Variants in SLC30A4 observed in about 807,000 individuals in gnomAD.
SLC30A4 encodes the protein probable proton-coupled zinc antiporter SLC30A4.
A neutral mutation model predicts 41.7 loss-of-function variants in SLC30A4; 20 were observed. The ratio of observed to expected loss-of-function variants is 0.48; its 90% CI spans 0.34 to 0.70. The LOEUF is 0.70. Among genes scored for constraint, SLC30A4 ranks in the 30% least tolerant of loss-of-function variants. The pLI, the probability that SLC30A4 is intolerant of heterozygous loss-of-function variation, is 0.01. For synonymous variants in SLC30A4, 181 were observed against 195.9 expected (o/e 0.92, Z 0.64); for missense variants, 441 against 529.3 (o/e 0.83, Z 1.64).
chr15:45,503,425 T>A (rs1055212312), intron 3 of SLC30A4, among the ~76,000 whole-genome samples: 1 of 151,708 alleles, frequency 6.6e-6, no homozygotes, highest in African/African-American at 2.4e-5. Context: ...GAGACCAGCA[T>A]GGCCAATATG....
At chr15:45,513,709 C>T (rs947550552) in intron 2 of SLC30A4, 1 of 152,134 alleles carries the variant, frequency 6.6e-6, no homozygotes, top group South Asian at 2.1e-4. Context: ...TGTATGGTAG[C>T]CTTGAAAACC....
At chr15:45,514,949 G>C (rs1420873144) in intron 2 of SLC30A4, among the ~76,000 whole-genome samples, 1 of 151,612 alleles carries the variant, frequency 6.6e-6, no homozygotes, top group Non-Finnish European at 1.5e-5. Context: ...GCACAACTGT[G>C]GCTCACTGTG....
intron 2 of SLC30A4, chr15:45,521,156 G>T (rs993786445): frequency 1.9e-5 from 7 of 363,280 alleles, no homozygotes; most frequent in African/African-American, 1.5e-4. Context: ...CTGCTTTTAT[G>T]TCACTTTGTA....
chr15:45,510,293 A>G (rs932945842), intron 3 of SLC30A4, among the ~76,000 whole-genome samples: 4 of 152,228 alleles, frequency 2.6e-5, no homozygotes, highest in African/African-American at 9.6e-5. Context: ...AATATAGGTA[A>G]AGAAACAAAC....
chr15:45,495,216 CAT>C (rs1891888066), intron 3 of SLC30A4, among the ~76,000 whole-genome samples: 1 of 151,920 alleles, frequency 6.6e-6, no homozygotes, highest in Non-Finnish European at 1.5e-5. Flanking sequence ...AAGTTAATGA[CAT>C]AGAGATGTGC....
At chr15:45,511,343 T>C in intron 2 of SLC30A4, 59 bp from the exon 3 acceptor site, 1 of 1,283,030 alleles carries the variant, frequency 7.8e-7, no homozygotes, top group Non-Finnish European at 1.1e-6. Flanking sequence ...AAGCAAGCAA[T>C]CAAACTAGAA....
intron 4 of SLC30A4, 138 bp downstream of exon 4, chr15:45,490,590 G>A: frequency 1.8e-6 from 1 of 545,244 alleles, no homozygotes; most frequent in East Asian, 3.0e-5. Context: ...CGTCCATAGT[G>A]TTTCATTTAT....
rs1891755402 is a variant in SLC30A4, at chr15:45,488,859, T to C, written c.876A>G (p.Ala292=). The part of the protein sequence containing the change: ...LVQSVGVLIA[A]YIIRFKPEYK... ...ATATTACCTTGAATCGTATGATGTA[T>C]GCAGCTATTAGCACACCAACACTCT... Residue 292 remains alanine (A), a synonymous_variant, in exon 5 of 8, where the codon GCA becomes GCG. Transcript: ENST00000261867. 6.2e-6 allele frequency: 10 copies of C among 1,613,590 alleles called. No homozygotes were observed. Among genetic ancestry groups the C allele is most frequent in the African/African-American group, 1.3e-5 (1 of 75,020 alleles).
At position 45,480,777 on chromosome 15, in the gene SLC30A4, A is replaced by T. The variant is rs1187853801; in HGVS notation, c.*4386T>A. On this transcript the variant is annotated 3_prime_UTR_variant, in exon 8 of 8. Transcript: ENST00000261867. Reference sequence around the variant, plus strand: ...GATTTAGCTAACTGCTTGTTTCAAAATCAAATAAGTCTACAAAAGCTGTGA... The same window carrying T: ...GATTTAGCTAACTGCTTGTTTCAAATTCAAATAAGTCTACAAAAGCTGTGA... The T allele has an allele frequency of 7.0e-6, 1 of 141,974 alleles. No individual in the cohort carries two copies. Among genetic ancestry groups the T allele is most frequent in the South Asian group, 2.1e-4 (1 of 4,682 alleles). The allele number at this position is 141,974 out of a possible 1,614,324, so 8.8% of individuals were successfully genotyped here. A position where few individuals can be genotyped will look rare whatever the true frequency, so the allele number is the denominator to read the frequency against.
rs1227367885 is a variant in SLC30A4 at position 45,522,360 on chromosome 15, A to G, written c.-6T>C. 3 of 1,594,674 alleles carry G rather than the reference A, an allele frequency of 1.9e-6. No individual in the cohort carries two copies. The highest frequency in any genetic ancestry group is 1.7e-6 in the Non-Finnish European group (2 of 1,171,874). ...CACGCGCCAGAGCCGGCCATGGCAG[A>G]GGCTGAGCGGCCGCGGTGCGGAACG... On this transcript the variant is annotated 5_prime_UTR_variant, in exon 2 of 8. Transcript: ENST00000261867.
chr15:45,506,903 A>G (rs1421928664), intron 3 of SLC30A4, among the ~76,000 whole-genome samples: 2 of 152,224 alleles, frequency 1.3e-5, no homozygotes, highest in Non-Finnish European at 2.9e-5. Context: ...CAGTACATGT[A>G]CAAGGTTGTG....
At chr15:45,513,220 TAG>T (rs1221556095) in intron 2 of SLC30A4, among the ~76,000 whole-genome samples, 2 of 149,684 alleles carry the variant, frequency 1.3e-5, no homozygotes, top group Non-Finnish European at 3.0e-5. Context: ...TTTTTTTTTT[TAG>T]AGAGTCAGGG....
Position 45,486,681 on chromosome 15 carries a change from A to C in SLC30A4, c.1065T>G (p.Tyr355Ter), listed in dbSNP as rs986762049. ...KEALMKIEDV[Y>*]SVEDLNIWSL... ...ACCAGATATTTAAATCTTCGACTGA[A>C]TATACATCTTCTATTTTCATCAAGG... The change falls in exon 7 of 8, where the codon TAT (tyrosine) becomes TAG (stop). Residue 355 changes from tyrosine (Y) to a stop codon, truncating the protein, a stop_gained. Coordinates refer to ENST00000261867, the MANE Select transcript of SLC30A4 (RefSeq NM_013309.6). LOFTEE classifies it high-confidence loss of function. 1.9e-6 allele frequency: 3 copies of C among 1,601,016 alleles called. No homozygotes were observed. The highest frequency in any genetic ancestry group is 3.4e-5 in the Admixed American group (2 of 58,290).
rs1892493269 is a variant in SLC30A4 at position 45,516,792 on chromosome 15, T to TC, written c.391+5171dup. 3.3e-5 allele frequency among the ~76,000 whole-genome samples: 5 copies of TC among 151,644 alleles called. No individual in the cohort carries two copies. The South Asian group carries it at 1.0e-3, about 32-fold the overall frequency. The stretch of plus-strand genomic sequence containing the variant: ...GGCTGAGGCAGGAGAATCACTTGAA[T>TC]CCGGGAGGTGGAGGCTGCTACTCAG... On this transcript the variant is annotated intron_variant, in intron 2 of 7. Transcript: ENST00000261867.
Position 45,489,016 on chromosome 15 carries a change from C to A in SLC30A4, c.719G>T (p.Gly240Val), listed in dbSNP as rs747036858. 1.9e-6 allele frequency: 3 copies of A among 1,613,334 alleles called. No homozygotes were observed. The highest frequency in any genetic ancestry group is 1.7e-6 in the Non-Finnish European group (2 of 1,179,522). ...GGAGTGGGAATGGGAGTGACGGTGACCAGACTGGTTCAACAGAAACCCCAT... is the reference window on the plus strand; with the variant it reads ...GGAGTGGGAATGGGAGTGACGGTGAACAGACTGGTTCAACAGAAACCCCAT... ...VIMGFLLNQS[G>V]HRHSHSHSLP... Residue 240 changes from glycine (G) to valine (V), a missense_variant, in exon 5 of 8, where the codon GGT becomes GTT. This residue lies in a region of SLC30A4 where 312 missense variants were observed against 341.9 expected (regional missense o/e 0.91). Coordinates refer to ENST00000261867, the MANE Select transcript of SLC30A4 (RefSeq NM_013309.6).
chr15:45,521,162 T>A (rs1381833316), intron 2 of SLC30A4: 1 of 363,042 alleles, frequency 2.8e-6, no homozygotes, highest in East Asian at 7.9e-5. Flanking sequence ...TTATGTCACT[T>A]TGTAAACTGT....
At chr15:45,521,842 A>T in intron 2 of SLC30A4, 122 bp downstream of exon 2, 1 of 939,772 alleles carries the variant, frequency 1.1e-6, no homozygotes, top group Non-Finnish European at 1.6e-6. Context: ...ACATGAGATC[A>T]GTGTCTTGAT....
intron 3 of SLC30A4, among the ~76,000 whole-genome samples, chr15:45,500,591 C>A (rs976242543): frequency 6.6e-6 from 1 of 152,120 alleles, no homozygotes; most frequent in African/African-American, 2.4e-5. Context: ...TACAACAGTA[C>A]TATCCAGCTA....
At chr15:45,517,905 A>T (rs1336212705) in intron 2 of SLC30A4, among the ~76,000 whole-genome samples, 4 of 152,160 alleles carry the variant, frequency 2.6e-5, no homozygotes, top group Non-Finnish European at 5.9e-5. Flanking sequence ...CCGAGATCAC[A>T]CCACTGCACT....
Sources: gnomAD v4.1 joint callset for allele counts (sites outside exome capture counted in the v4.1 genomes callset) on GRCh38, gnomAD v4.1.1 for gene constraint, gnomAD v4.1.1 regional missense constraint, MANE v1.5 for transcripts, NCBI Gene and HGNC (gene_info 2026-07-23, HGNC 2026-07-21) for gene names.